Variants in TC2N observed in about 807,000 individuals in gnomAD.
The protein encoded by TC2N is tandem C2 domains, nuclear.
In TC2N, 51 loss-of-function variants were observed where a neutral mutation model predicts 61.9. The ratio of observed to expected loss-of-function variants is 0.82; its 90% CI spans 0.66 to 1.04. The LOEUF is 1.04. TC2N is among the 50% of genes least tolerant of loss of function. The pLI is 0.00. For missense variants in TC2N, 556 were observed against 566.7 expected (o/e 0.98, Z 0.19); for synonymous variants, 204 against 192.6 (o/e 1.06, Z -0.49).
intron 1 of TC2N, among the ~76,000 whole-genome samples, chr14:91,838,960 C>T (rs1383707955): frequency 2.0e-5 from 3 of 152,082 alleles, no homozygotes; most frequent in Non-Finnish European, 4.4e-5. Context: ...ATACTATGAA[C>T]GGGTTTTTGT....
intron 1 of TC2N, among the ~76,000 whole-genome samples, chr14:91,864,953 G>A (rs528838451): frequency 6.6e-6 from 1 of 151,952 alleles, no homozygotes; most frequent in South Asian, 2.1e-4. Flanking sequence ...CCTAATTTTT[G>A]TATTTTTAGT....
intron 1 of TC2N, among the ~76,000 whole-genome samples, chr14:91,847,401 A>G (rs909502321): frequency 3.3e-5 from 5 of 152,192 alleles, no homozygotes; most frequent in East Asian, 1.9e-4. Context: ...CAACCAGCAA[A>G]GTAGATTGGA....
chr14:91,784,418 G>A (rs1017977829), intron 11 of TC2N, among the ~76,000 whole-genome samples: 1 of 152,116 alleles, frequency 6.6e-6, no homozygotes, highest in African/African-American at 2.4e-5. Flanking sequence ...TCAAGGAGCT[G>A]ATATCAATGT....
chr14:91,849,533 C>T (rs1406471446), intron 1 of TC2N, among the ~76,000 whole-genome samples: 2 of 152,196 alleles, frequency 1.3e-5, no homozygotes, highest in Non-Finnish European at 2.9e-5. Flanking sequence ...GTACACAAAT[C>T]ACACCAGGTA....
chr14:91,807,516 A>G (rs1030835795), intron 3 of TC2N, among the ~76,000 whole-genome samples: 3 of 152,182 alleles, frequency 2.0e-5, no homozygotes, highest in Admixed American at 6.5e-5. Flanking sequence ...ATCATTCTGG[A>G]GCTTTAAGAT....
chr14:91,861,491 C>CT (rs1888586747), intron 1 of TC2N, among the ~76,000 whole-genome samples: 1 of 152,230 alleles, frequency 6.6e-6, no homozygotes, highest in Non-Finnish European at 1.5e-5. Context: ...TGACTACTGC[C>CT]TTCCAACTTT....
intron 1 of TC2N, among the ~76,000 whole-genome samples, chr14:91,866,069 C>T (rs866792710): frequency 1.3e-5 from 2 of 152,092 alleles, no homozygotes; most frequent in African/African-American, 4.8e-5. Flanking sequence ...GTATGTGATC[C>T]TCTCAAGACA....
At position 91,797,776 on chromosome 14, in the gene TC2N, G is replaced by T; in HGVS notation, c.855+9C>A. On this transcript the variant is annotated intron_variant, in intron 8 of 11. Transcript: ENST00000435962. ...CAGAAAAGAAATTCAAATACAAACA[G>T]CCACTTACGTTGGAACCTTCCTTGG... 2.7e-6 allele frequency: 4 copies of T among 1,470,642 alleles called. No individual in the cohort carries two copies. The highest frequency in any genetic ancestry group is 3.7e-6 in the Non-Finnish European group (4 of 1,069,800). The allele number at this position is 1,470,642 out of a possible 1,614,324, so 91.1% of individuals were successfully genotyped here.
At chr14:91,865,716 A>C (rs937435933) in intron 1 of TC2N, among the ~76,000 whole-genome samples, 1 of 152,148 alleles carries the variant, frequency 6.6e-6, no homozygotes, top group Non-Finnish European at 1.5e-5. Context: ...TTTCAAACAC[A>C]TGTCTATAAA....
intron 3 of TC2N, among the ~76,000 whole-genome samples, chr14:91,808,109 T>C (rs1350012661): frequency 6.6e-6 from 1 of 152,188 alleles, no homozygotes; most frequent in Non-Finnish European, 1.5e-5. Context: ...GGAACTGTGA[T>C]TCCATTAAAC....
rs1412087199 is a variant in TC2N, at chr14:91,845,272, T to TAA, written c.-57+21989_-57+21990insTT. Reference sequence around the variant, plus strand: ...ATAAATAAATAAATAAATAAATAAATATGTTTATACGTCTAGTCTAATTCT... The same window carrying TAA: ...ATAAATAAATAAATAAATAAATAAATAAATGTTTATACGTCTAGTCTAATTCT... On this transcript the variant is annotated intron_variant, in intron 1 of 11. Transcript: ENST00000435962. 2.4e-4 allele frequency among the ~76,000 whole-genome samples: 36 copies of TAA among 151,672 alleles called. 1 individual carries two copies. The East Asian group carries it at 7.0e-3, about 29-fold the overall frequency.
chr14:91,786,776 G>A (rs1429478575), intron 10 of TC2N, among the ~76,000 whole-genome samples: 1 of 152,062 alleles, frequency 6.6e-6, no homozygotes, highest in Admixed American at 6.6e-5. Flanking sequence ...TTCTATAGAT[G>A]TGTCTATTTT....
intron 1 of TC2N, among the ~76,000 whole-genome samples, chr14:91,863,925 G>A (rs1328711972): frequency 1.3e-5 from 2 of 151,488 alleles, no homozygotes; most frequent in African/African-American, 2.4e-5. Flanking sequence ...ACAGGAGGTC[G>A]AGGCTGCAGT....
Position 91,792,401 on chromosome 14 carries a change from T to C in TC2N, c.1013A>G (p.Tyr338Cys), listed in dbSNP as rs751011101. Reference protein sequence around the residue: ...LRTLSTQEMDYSLDITPPSKI... With the variant: ...LRTLSTQEMDCSLDITPPSKI... ...TGAAGGTGGTGTTATATCCAAAGAG[T>C]AATCCATTTCCTGTGTGCTAAGGGT... Residue 338 changes from tyrosine to cysteine, a missense_variant, in exon 9 of 12, where the codon TAC (tyrosine) becomes TGC (cysteine). Tyr to Cys is a radical substitution (Grantham distance 194). Transcript: ENST00000435962. 94 of 1,604,824 alleles carry C rather than the reference T, an allele frequency of 5.9e-5. No individual in the cohort carries two copies. Among genetic ancestry groups the C allele is most frequent in the Non-Finnish European group, 7.7e-5 (91 of 1,174,990 alleles).
chr14:91,827,892 C>T (rs1887569582), intron 1 of TC2N, among the ~76,000 whole-genome samples: 1 of 152,226 alleles, frequency 6.6e-6, no homozygotes, highest in Non-Finnish European at 1.5e-5. Context: ...GCCAATCAAT[C>T]CATGTGTGAC....
chr14:91,793,566 A>T (rs1486100403), intron 8 of TC2N, among the ~76,000 whole-genome samples: 1 of 152,222 alleles, frequency 6.6e-6, no homozygotes, highest in Non-Finnish European at 1.5e-5. Context: ...ATAATAGTTC[A>T]AACTTTTTCA....
chr14:91,804,484 A>G (rs558818436), intron 3 of TC2N, among the ~76,000 whole-genome samples: 1 of 152,340 alleles, frequency 6.6e-6, no homozygotes, highest in African/African-American at 2.4e-5. Flanking sequence ...CTTACTACAT[A>G]CAAATTCCTT....
At chr14:91,823,380 C>T (rs555287708) in intron 1 of TC2N, among the ~76,000 whole-genome samples, 1 of 151,682 alleles carries the variant, frequency 6.6e-6, no homozygotes, top group Admixed American at 6.6e-5. Flanking sequence ...ATTAGTTGGG[C>T]ATGGTGGCAC....
At chr14:91,796,243 T>A (rs1427702174) in intron 8 of TC2N, among the ~76,000 whole-genome samples, 1 of 152,058 alleles carries the variant, frequency 6.6e-6, no homozygotes, top group Non-Finnish European at 1.5e-5. Context: ...TCCCAATATA[T>A]ATATACATAT....
Sources: allele counts gnomAD v4.1 joint callset (sites outside exome capture counted in the v4.1 genomes callset), GRCh38; gene constraint gnomAD v4.1.1; transcripts MANE v1.5; gene names NCBI Gene and HGNC (gene_info 2026-07-23, HGNC 2026-07-21).